CTNNA2: variants seen among roughly 807,000 people sequenced by gnomAD.
The protein encoded by CTNNA2 is catenin alpha-2.
A neutral mutation model predicts 101.0 loss-of-function variants in CTNNA2; 42 were observed. The observed-to-expected ratio is 0.42, with a 90% CI of 0.32 to 0.54. The LOEUF (loss-of-function observed/expected upper bound fraction) is 0.54. Among genes scored for constraint, CTNNA2 ranks in the 20% least tolerant of loss-of-function variants. The pLI, the probability that CTNNA2 is intolerant of heterozygous loss-of-function variation, is 0.14. For missense variants in CTNNA2, 871 were observed against 1,223.1 expected (o/e 0.71, Z 4.29); for synonymous variants, 450 against 456.4 (o/e 0.99, Z 0.18).
intron 3 of CTNNA2, among the ~76,000 whole-genome samples, chr2:79,744,892 C>T (rs991049463): frequency 6.6e-5 from 10 of 152,040 alleles, no homozygotes; most frequent in African/African-American, 1.7e-4. Context: ...GAAGACCTAA[C>T]GTTTATAGAG....
intron 2 of CTNNA2, among the ~76,000 whole-genome samples, chr2:79,271,389 A>T (rs1442326284): frequency 6.6e-6 from 1 of 152,078 alleles, no homozygotes; most frequent in Non-Finnish European, 1.5e-5. Flanking sequence ...GACATAACAG[A>T]TAAGGAAAAC....
chr2:79,900,560 C>T (rs908755764), intron 6 of CTNNA2, among the ~76,000 whole-genome samples: 3 of 152,142 alleles, frequency 2.0e-5, no homozygotes, highest in South Asian at 2.1e-4. Flanking sequence ...TTTCACCTGA[C>T]CTATGGCATC....
intron 18 of CTNNA2, among the ~76,000 whole-genome samples, chr2:80,627,620 T>A (rs973960218): frequency 6.6e-6 from 1 of 152,186 alleles, no homozygotes; most frequent in Non-Finnish European, 1.5e-5. Flanking sequence ...CTTTGTCAGA[T>A]GGATAGATTG....
At chr2:80,590,466 G>C (rs969672203) in intron 15 of CTNNA2, among the ~76,000 whole-genome samples, 1 of 140,206 alleles carries the variant, frequency 7.1e-6, no homozygotes, top group African/African-American at 2.7e-5. Flanking sequence ...CATATGCAAA[G>C]ATGTTTTAAT....
intron 4 of CTNNA2, among the ~76,000 whole-genome samples, chr2:79,484,664 G>A (rs532794170): frequency 3.3e-5 from 5 of 152,178 alleles, no homozygotes; most frequent in South Asian, 2.1e-4. Flanking sequence ...TATTGCACAC[G>A]AATACTTTTA....
At chr2:80,339,473 A>G (rs962167334) in intron 7 of CTNNA2, among the ~76,000 whole-genome samples, 1 of 151,890 alleles carries the variant, frequency 6.6e-6, no homozygotes, top group Non-Finnish European at 1.5e-5. Context: ...CCATAACCCA[A>G]CTCTCCAAAT....
intron 9 of CTNNA2, among the ~76,000 whole-genome samples, chr2:80,424,845 C>T (rs991244103): frequency 2.0e-5 from 3 of 152,190 alleles, no homozygotes; most frequent in African/African-American, 7.2e-5. Context: ...AACTGACTGT[C>T]AAACGCCTTG....
At chr2:79,197,467 A>G (rs1673976475) in intron 1 of CTNNA2, among the ~76,000 whole-genome samples, 1 of 152,226 alleles carries the variant, frequency 6.6e-6, no homozygotes, top group Non-Finnish European at 1.5e-5. Context: ...GCCAATTGCT[A>G]CAGAGGTTGT....
At chr2:80,186,510 C>T (rs1053313956) in intron 7 of CTNNA2, among the ~76,000 whole-genome samples, 2 of 152,288 alleles carry the variant, frequency 1.3e-5, no homozygotes, top group South Asian at 2.1e-4. Context: ...TAGATTGTCA[C>T]GGCAGGTGGG....
At chr2:80,102,102 G>A (rs917685900) in intron 7 of CTNNA2, among the ~76,000 whole-genome samples, 15 of 152,310 alleles carry the variant, frequency 9.8e-5, no homozygotes, top group African/African-American at 3.6e-4. Context: ...TTGAGTTGCA[G>A]TCTCTCTGAC....
intron 17 of CTNNA2, among the ~76,000 whole-genome samples, chr2:80,612,267 C>T (rs1419265163): frequency 2.0e-5 from 3 of 151,312 alleles, no homozygotes; most frequent in African/African-American, 7.3e-5. Context: ...TTCTTATTGC[C>T]CACGTTTCAC....
In CTNNA2 at chr2:79,950,894, C is replaced by T. The variant is rs1688834624; in HGVS notation, c.1056+41097C>T. Among the ~76,000 whole-genome samples, 3 of 150,144 alleles carry T rather than the reference C, an allele frequency of 2.0e-5. No individual in the cohort carries two copies. In the South Asian group the frequency reaches 6.4e-4, roughly 32 times the overall value. ...GTTGCACTGCGCTTCTGACTCAGAA[C>T]AAGCAGCATCATTTGTAGAGTCAGT... On this transcript the variant is annotated intron_variant, in intron 7 of 18. Transcript: ENST00000402739.
chr2:80,593,998 G>A (rs1696733099), intron 15 of CTNNA2, among the ~76,000 whole-genome samples: 1 of 152,010 alleles, frequency 6.6e-6, no homozygotes, highest in African/African-American at 2.4e-5. Context: ...ACCCAGAAGT[G>A]GAATTGCAGG....
chr2:79,658,880 G>A (rs1395584275), intron 2 of CTNNA2, among the ~76,000 whole-genome samples: 1 of 151,886 alleles, frequency 6.6e-6, no homozygotes, highest in Non-Finnish European at 1.5e-5. Context: ...AGGCTCTGGT[G>A]AATTTTATAG....
At chr2:80,138,075 C>T (rs1334720395) in intron 7 of CTNNA2, among the ~76,000 whole-genome samples, 1 of 152,084 alleles carries the variant, frequency 6.6e-6, no homozygotes, top group African/African-American at 2.4e-5. Context: ...CACAGAGCAT[C>T]CTGGAAGTAT....
At chr2:79,417,807 C>T (rs1678499421) in intron 4 of CTNNA2, among the ~76,000 whole-genome samples, 1 of 151,862 alleles carries the variant, frequency 6.6e-6, no homozygotes, top group African/African-American at 2.4e-5. Context: ...TGTATTTTAC[C>T]CACCATATAT....
intron 2 of CTNNA2, among the ~76,000 whole-genome samples, chr2:79,300,129 T>C (rs1490513839): frequency 6.6e-6 from 1 of 152,184 alleles, no homozygotes; most frequent in Admixed American, 6.6e-5. Flanking sequence ...ACAGTAATCA[T>C]ACAGAATAGT....
intron 4 of CTNNA2, among the ~76,000 whole-genome samples, chr2:79,862,643 A>G (rs1574160394): frequency 6.6e-6 from 1 of 152,318 alleles, no homozygotes; most frequent in South Asian, 2.1e-4. Flanking sequence ...ACACTTAAGA[A>G]CTATTTATTA....
chr2:79,751,593 C>CA (rs397985098), intron 3 of CTNNA2, among the ~76,000 whole-genome samples: 1,365 of 68,610 alleles, frequency 0.02, 27 homozygotes, highest in African/African-American at 0.046. Flanking sequence ...GACTCCATCT[C>CA]AAAAAAAAAA....
Sources: allele counts gnomAD v4.1 joint callset (sites outside exome capture counted in the v4.1 genomes callset), GRCh38; gene constraint gnomAD v4.1.1; transcripts MANE v1.5; gene names NCBI Gene and HGNC (gene_info 2026-07-23, HGNC 2026-07-21).